The following FGF3 variants were observed in gnomAD, a reference collection of about 807,000 sequenced individuals.
The protein encoded by FGF3 is FGF-3.
In FGF3, 7 loss-of-function variants were observed where a neutral mutation model predicts 9.8. That is an observed-to-expected ratio of 0.72 (90% CI 0.41 to 1.35). The LOEUF is 1.35. Ranked by LOEUF, FGF3 falls within the 40% of genes most tolerant of loss-of-function variation. The pLI is 0.01. For missense variants in FGF3, 390 were observed against 345.6 expected, an observed-to-expected ratio of 1.13 and a Z score of -1.02; for synonymous variants, 173 against 157.2, an observed-to-expected ratio of 1.10 and a Z score of -0.75.
intron 1 of FGF3, among the ~76,000 whole-genome samples, chr11:69,817,798 C>G (rs1489629987): frequency 6.6e-6 from 1 of 152,252 alleles, no homozygotes; most frequent in African/African-American, 2.4e-5. Flanking sequence ...ACGCTCCCCA[C>G]GCGGTCCTCC....
intron 2 of FGF3, 59 bp downstream of exon 2, chr11:69,816,261 G>A: frequency 7.6e-7 from 1 of 1,308,708 alleles, no homozygotes; most frequent in South Asian, 1.2e-5. Flanking sequence ...CCCCTGGCTT[G>A]ATGTGCAGGC....
intron 2 of FGF3, among the ~76,000 whole-genome samples, chr11:69,810,959 C>G (rs1468866608): frequency 6.6e-6 from 1 of 152,248 alleles, no homozygotes; most frequent in Non-Finnish European, 1.5e-5. Flanking sequence ...ACTCCCAGCT[C>G]CTGCTCTCTG....
rs1441197882 is a variant in FGF3 at position 69,819,344 on chromosome 11, G to T, written c.-411C>A. On this transcript the variant is annotated 5_prime_UTR_variant, in exon 1 of 3. Transcript: ENST00000334134. ...CGGGCGCCGTCTGCATACACTCGCC[G>T]CCAGCGCACCGCCGTCGAGCCGCGG... Among the ~76,000 whole-genome samples the T allele has an allele frequency of 6.6e-6, 1 of 151,486 alleles. No homozygotes were observed. The highest frequency in any genetic ancestry group is 1.5e-5 in the Non-Finnish European group (1 of 67,782).
chr11:69,814,513 G>A (rs1393148542), intron 2 of FGF3, among the ~76,000 whole-genome samples: 1 of 152,132 alleles, frequency 6.6e-6, no homozygotes, highest in Middle Eastern at 3.4e-3. Context: ...GAGTGTCAGG[G>A]TGCAGTGCTC....
intron 2 of FGF3, among the ~76,000 whole-genome samples, chr11:69,811,507 G>GA (rs1422494725): frequency 2.1e-4 from 32 of 150,492 alleles, no homozygotes; most frequent in Non-Finnish European, 4.1e-4. Context: ...GAAAAAAGAA[G>GA]AAAGAACACA....
rs1590966261 is a variant in FGF3, at chr11:69,819,315, G to C, written c.-382C>G. ...GGGAGCCCCGCGGGGCTCGGGGTTC[G>C]GGCCGGGCGCCGTCTGCATACACTC... On this transcript the variant is annotated 5_prime_UTR_variant, in exon 1 of 3. Coordinates refer to ENST00000334134, the MANE Select transcript of FGF3 (RefSeq NM_005247.4). Among the ~76,000 whole-genome samples the C allele has an allele frequency of 6.6e-6, 1 of 151,088 alleles. No individual in the cohort carries two copies. Among genetic ancestry groups the C allele is most frequent in the Non-Finnish European group, 1.5e-5 (1 of 67,620 alleles).
rs1243778058 is a variant in FGF3 at position 69,816,490 on chromosome 11, C to T, written c.221-67G>A. On this transcript the variant is annotated intron_variant, in intron 1 of 2. Transcript: ENST00000334134. Reference sequence around the variant, plus strand: ...GAGGGGGCGGCTGAGGCCCAGCTGGCCCTGCCCAAAGCCACACCCCGGGCT... The same window carrying T: ...GAGGGGGCGGCTGAGGCCCAGCTGGTCCTGCCCAAAGCCACACCCCGGGCT... The T allele has an allele frequency of 2.1e-5, 27 of 1,286,738 alleles. No homozygotes were observed. The East Asian group carries it at 2.5e-4, about 12-fold the overall frequency. 79.7% of individuals were successfully genotyped at this position (1,286,738 alleles called of 1,614,324 possible). A position where few individuals can be genotyped will look rare whatever the true frequency, so the allele number is the denominator to read the frequency against.
rs115009330 is a variant in FGF3 at position 69,816,996 on chromosome 11, T to A, written c.221-573A>T. On this transcript the variant is annotated intron_variant, in intron 1 of 2. Coordinates refer to ENST00000334134, the MANE Select transcript of FGF3 (RefSeq NM_005247.4). ...TGGCAATAGACCTGGCGGGAGATCA[T>A]TGTACTCGCCGGGGGACCTGGAAGG... is the stretch of plus-strand genomic sequence containing the variant. 6.6e-3 allele frequency among the ~76,000 whole-genome samples: 1,007 copies of A among 152,206 alleles called. 8 individuals are homozygous for A. Among genetic ancestry groups the A allele is most frequent in the African/African-American group, 0.023 (972 of 41,526 alleles).
rs1554981414 is a variant in FGF3, at chr11:69,818,840, G to C, written c.94C>G (p.Arg32Gly). Residue 32 changes from arginine (R) to glycine (G), a missense_variant, in exon 1 of 3, where the codon CGT (arginine) becomes GGT (glycine). Transcript: ENST00000334134. Reference sequence around the variant, plus strand: ...CCAAGGTGCTCGTAGACGCCGCCACGGCCGCCCGCATCGCGCCGCAACCGC... The same window carrying C: ...CCAAGGTGCTCGTAGACGCCGCCACCGCCGCCCGCATCGCGCCGCAACCGC... ...GARLRRDAGG[R>G]GGVYEHLGGA... 6.8e-7 allele frequency: 1 copy of C among 1,476,050 alleles called. No individual in the cohort carries two copies. The highest frequency in any genetic ancestry group is 8.9e-7 in the Non-Finnish European group (1 of 1,120,048). 91.4% of individuals were successfully genotyped at this position (1,476,050 alleles called of 1,614,324 possible).
intron 2 of FGF3, among the ~76,000 whole-genome samples, chr11:69,814,032 T>A (rs1435859222): frequency 6.6e-6 from 1 of 151,356 alleles, no homozygotes; most frequent in Non-Finnish European, 1.5e-5. Context: ...GATGGACAGA[T>A]GAACGGTTGG....
Position 69,810,189 on chromosome 11 carries a change from T to C in FGF3, c.*116A>G, listed in dbSNP as rs1554980267. The C allele has an allele frequency of 4.8e-6, 5 of 1,048,718 alleles. No individual in the cohort carries two copies. In the East Asian group the frequency reaches 1.3e-4, roughly 28 times the overall value. The allele number at this position is 1,048,718 out of a possible 1,614,324, so 65.0% of individuals were successfully genotyped here. On this transcript the variant is annotated 3_prime_UTR_variant, in exon 3 of 3. Transcript: ENST00000334134. ...CCCTGATTTGAGCTGGCTCTGGAAA[T>C]AGCTGAGAACCCAGACGCGGGACGC... is the stretch of plus-strand genomic sequence containing the variant.
chr11:69,810,921 T>C (rs1856020334), intron 2 of FGF3, among the ~76,000 whole-genome samples: 1 of 152,198 alleles, frequency 6.6e-6, no homozygotes, highest in East Asian at 1.9e-4. Flanking sequence ...TGCCTAAAGG[T>C]CACCTTCACT....
chr11:69,816,708 C>A (rs1554981140), intron 1 of FGF3, among the ~76,000 whole-genome samples: 1 of 152,096 alleles, frequency 6.6e-6, no homozygotes, highest in Non-Finnish European at 1.5e-5. Flanking sequence ...TTCATTCGAG[C>A]CTCACAACAC....
chr11:69,810,450 C>A lies in FGF3; in HGVS notation c.575G>T (p.Arg192Leu). ...TCTGGGCAGCCCACTCTGTAGCTGC[C>A]GCACCATCTCGTGGTCCCTGTGGTC... ...VLDHRDHEMV[R>L]QLQSGLPRPP... is the part of the protein sequence containing the mutation. Residue 192 changes from arginine to leucine, a missense_variant, in exon 3 of 3, where the codon CGG becomes CTG. Physicochemically the swap from Arg to Leu is moderately radical, Grantham distance 102. Transcript: ENST00000334134. The A allele has an allele frequency of 6.3e-7, 1 of 1,598,292 alleles. No homozygotes were observed. The highest frequency in any genetic ancestry group is 8.5e-7 in the Non-Finnish European group (1 of 1,172,570).
chr11:69,812,988 G>C (rs1167185446), intron 2 of FGF3, among the ~76,000 whole-genome samples: 1 of 152,136 alleles, frequency 6.6e-6, no homozygotes, highest in Non-Finnish European at 1.5e-5. Flanking sequence ...TGTTGGCTCA[G>C]GGGCCAGGGC....
Position 69,818,856 on chromosome 11 carries a change from C to A in FGF3, c.78G>T (p.Arg26=). The part of the protein sequence containing the change: ...WPAAGPGARL[R]RDAGGRGGVY... The stretch of plus-strand genomic sequence containing the variant: ...CGCCGCCACGGCCGCCCGCATCGCG[C>A]CGCAACCGCGCCCCAGGGCCCGCTG... The change falls in exon 1 of 3, where the codon CGG becomes CGT. Residue 26 remains arginine, a synonymous_variant. Coordinates refer to ENST00000334134, the MANE Select transcript of FGF3 (RefSeq NM_005247.4). 13 of 1,466,860 alleles carry A rather than the reference C, an allele frequency of 8.9e-6. No homozygotes were observed. The highest frequency in any genetic ancestry group is 1.2e-5 in the Non-Finnish European group (13 of 1,115,626). 90.9% of individuals were successfully genotyped at this position (1,466,860 alleles called of 1,614,324 possible).
Position 69,813,632 on chromosome 11 carries a change from A to G in FGF3, c.324+2688T>C, listed in dbSNP as rs782668268. On this transcript the variant is annotated intron_variant, in intron 2 of 2. Coordinates refer to ENST00000334134, the MANE Select transcript of FGF3 (RefSeq NM_005247.4). ...GATGGATGGGTGGATGGATGGATGG[A>G]TGGATGGGTGGATGGGTGGATGGAT... Among the ~76,000 whole-genome samples, 79 of 108,046 alleles carry G rather than the reference A, an allele frequency of 7.3e-4. 3 individuals carry two copies. Among genetic ancestry groups the G allele is most frequent in the South Asian group, 1.6e-3 (5 of 3,158 alleles). The allele number at this position is 108,046 out of a possible 152,430, so 70.9% of individuals were successfully genotyped here.
At chr11:69,818,539 T>C (rs115896877) in intron 1 of FGF3, among the ~76,000 whole-genome samples, 175 bp downstream of exon 1, 1,938 of 152,140 alleles carry the variant, frequency 0.013, 45 homozygotes, top group African/African-American at 0.044. Flanking sequence ...ATTCCCCTTC[T>C]GGCAGCGGGA....
chr11:69,812,077 G>A (rs912294011), intron 2 of FGF3, among the ~76,000 whole-genome samples: 3 of 152,188 alleles, frequency 2.0e-5, no homozygotes, highest in Non-Finnish European at 4.4e-5. Flanking sequence ...CTCAGGGGAT[G>A]ACTGACAGGA....
Sources: allele counts gnomAD v4.1 joint callset (sites outside exome capture counted in the v4.1 genomes callset), GRCh38; gene constraint gnomAD v4.1.1; transcripts MANE v1.5; gene names NCBI Gene and HGNC (gene_info 2026-07-23, HGNC 2026-07-21).